Variants in DCHS2 observed in about 807,000 individuals in gnomAD.
The protein encoded by DCHS2 is dachsous cadherin-related 2.
In DCHS2, 142 loss-of-function variants were observed where a neutral mutation model predicts 182.4. The ratio of observed to expected loss-of-function variants is 0.78; its 90% CI spans 0.68 to 0.89. DCHS2 has a LOEUF of 0.89. Ranked by LOEUF, DCHS2 falls within the 40% of genes least tolerant of loss-of-function variation. The probability of loss-of-function intolerance (pLI) is 0.00; values close to 1 mark genes in which losing one functional copy is unlikely to be tolerated. For missense variants in DCHS2, 4,319 were observed against 4,198.6 expected (o/e 1.03, Z -0.79); for synonymous variants, 1,740 against 1,663.3 (o/e 1.05, Z -1.12).
At chr4:154,335,239 A>G (rs1257387298) in intron 3 of DCHS2, 135 bp from the exon 4 acceptor site, 1 of 662,996 alleles carries the variant, frequency 1.5e-6, no homozygotes, top group African/African-American at 1.8e-5. Context: ...ATGTCCAGGC[A>G]TTTGATCAAA....
At chr4:154,300,527 A>G (rs1000551070) in intron 12 of DCHS2, among the ~76,000 whole-genome samples, 1 of 148,172 alleles carries the variant, frequency 6.7e-6, no homozygotes, top group African/African-American at 2.6e-5. Flanking sequence ...AAAAAAAAAA[A>G]AGTTTTTAAG....
chr4:154,322,380 G>T lies in DCHS2; in HGVS notation c.4127C>A (p.Thr1376Asn). The change falls in exon 8 of 20, where the codon ACT becomes AAT. Residue 1376 changes from threonine to asparagine, a missense_variant. By Grantham distance (65) the Thr-to-Asn change is moderately conservative (BLOSUM62 0). Coordinates refer to ENST00000357232, the MANE Select transcript of DCHS2 (RefSeq NM_001358235.2). ...TTGAAGAGGAGGCACTCCCTGGTCA[G>T]TGGCAATGACACTCATTCTGTAGGA... ...RPSYRMSVIA[T>N]DQGVPPLQGQ... The T allele has an allele frequency of 1.2e-6, 2 of 1,613,770 alleles. No homozygotes were observed. Among genetic ancestry groups the T allele is most frequent in the Non-Finnish European group, 1.7e-6 (2 of 1,179,822 alleles).
intron 16 of DCHS2, among the ~76,000 whole-genome samples, chr4:154,246,873 G>A (rs1732096520): frequency 6.6e-6 from 1 of 151,754 alleles, no homozygotes; most frequent in Non-Finnish European, 1.5e-5. Flanking sequence ...TGGAAAGTAG[G>A]AAATAAAATA....
intron 3 of DCHS2, among the ~76,000 whole-genome samples, chr4:154,350,747 T>C (rs1729571167): frequency 6.6e-6 from 1 of 152,240 alleles, no homozygotes; most frequent in African/African-American, 2.4e-5. Flanking sequence ...ACAAAAGGTA[T>C]AATCACATGT....
intron 16 of DCHS2, among the ~76,000 whole-genome samples, chr4:154,254,696 G>T (rs999292588): frequency 6.6e-6 from 1 of 152,120 alleles, no homozygotes; most frequent in Non-Finnish European, 1.5e-5. Flanking sequence ...AATTAACCAC[G>T]CATGGTGGCA....
At chr4:154,293,373 G>T (rs1038796277) in intron 13 of DCHS2, among the ~76,000 whole-genome samples, 2 of 152,050 alleles carry the variant, frequency 1.3e-5, no homozygotes, top group Non-Finnish European at 2.9e-5. Context: ...GTAGAGATGG[G>T]GTTTCTCCAT....
intron 13 of DCHS2, among the ~76,000 whole-genome samples, 180 bp downstream of exon 13, chr4:154,297,671 C>T (rs935461760): frequency 3.3e-5 from 5 of 152,164 alleles, no homozygotes; most frequent in African/African-American, 1.2e-4. Flanking sequence ...CTGTCTTCTG[C>T]CCTGTCATTT....
intron 13 of DCHS2, among the ~76,000 whole-genome samples, chr4:154,270,658 G>C (rs1323730545): frequency 6.6e-6 from 1 of 151,686 alleles, no homozygotes; most frequent in Non-Finnish European, 1.5e-5. Context: ...ACAGAGAAGA[G>C]AGGGGTAAGA....
At chr4:154,353,200 G>A (rs1729698682) in intron 3 of DCHS2, among the ~76,000 whole-genome samples, 2 of 151,930 alleles carry the variant, frequency 1.3e-5, no homozygotes, top group African/African-American at 2.4e-5. Context: ...GGACACTCGG[G>A]CAAAAGAAAC....
intron 1 of DCHS2, among the ~76,000 whole-genome samples, chr4:154,444,743 C>T (rs1054864185): frequency 1.3e-5 from 2 of 152,226 alleles, no homozygotes; most frequent in Non-Finnish European, 2.9e-5. Context: ...TCACTTTCCT[C>T]CACACTCAGG....
intron 1 of DCHS2, among the ~76,000 whole-genome samples, chr4:154,438,355 G>A (rs1733865914): frequency 6.6e-6 from 1 of 152,182 alleles, no homozygotes; most frequent in Non-Finnish European, 1.5e-5. Context: ...ACTAATTTCT[G>A]GCTTTCCATT....
At position 154,233,881 on chromosome 4, in the gene DCHS2, C is replaced by A. The variant is rs1233232458; in HGVS notation, c.*655G>T. ...ATTTATATTACCTATCATTATAAAT[C>A]CTATTTGTTTCTCCCTATTGTCACA... On this transcript the variant is annotated 3_prime_UTR_variant, in exon 20 of 20. Coordinates refer to ENST00000357232, the MANE Select transcript of DCHS2 (RefSeq NM_001358235.2). The A allele has an allele frequency of 6.6e-6, 1 of 152,120 alleles. No individual in the cohort carries two copies. Among genetic ancestry groups the A allele is most frequent in the East Asian group, 1.9e-4 (1 of 5,190 alleles). 9.4% of individuals were successfully genotyped at this position (152,120 alleles called of 1,614,324 possible). A position where few individuals can be genotyped will look rare whatever the true frequency, so the allele number is the denominator to read the frequency against.
At chr4:154,351,723 C>T (rs953963548) in intron 3 of DCHS2, among the ~76,000 whole-genome samples, 2 of 152,060 alleles carry the variant, frequency 1.3e-5, no homozygotes, top group Admixed American at 6.6e-5. Flanking sequence ...ATAAGGAGCA[C>T]GCAACCTAGA....
chr4:154,247,830 G>T (rs74653392), intron 16 of DCHS2, among the ~76,000 whole-genome samples: 1 of 152,022 alleles, frequency 6.6e-6, no homozygotes, highest in African/African-American at 2.4e-5. Flanking sequence ...GACATGCAAA[G>T]GCTCAGATAA....
At chr4:154,429,869 G>C (rs1296057226) in intron 1 of DCHS2, among the ~76,000 whole-genome samples, 2 of 152,102 alleles carry the variant, frequency 1.3e-5, no homozygotes, top group African/African-American at 4.8e-5. Context: ...CTTACTAGCT[G>C]TGTAATCGTA....
intron 1 of DCHS2, among the ~76,000 whole-genome samples, chr4:154,381,039 C>T (rs1214506521): frequency 6.6e-6 from 1 of 152,004 alleles, no homozygotes; most frequent in Non-Finnish European, 1.5e-5. Context: ...TAAATTGAAG[C>T]AAGAGGCACC....
intron 1 of DCHS2, among the ~76,000 whole-genome samples, chr4:154,380,553 T>C (rs78518210): frequency 0.037 from 5,660 of 152,274 alleles, 142 homozygotes; most frequent in Middle Eastern, 0.061. Flanking sequence ...ATTCTTAGCC[T>C]TTAATAGTAC....
chr4:154,377,415 G>A lies in DCHS2; in HGVS notation c.2082C>T (p.Leu694=), dbSNP rs767278198. The A allele has an allele frequency of 1.5e-5, 24 of 1,613,202 alleles. No homozygotes were observed. Among genetic ancestry groups the A allele is most frequent in the Non-Finnish European group, 2.0e-5 (24 of 1,179,546 alleles). The change falls in exon 2 of 20, where the codon CTC becomes CTT. Residue 694 remains leucine (L), a synonymous_variant. Coordinates refer to ENST00000357232, the MANE Select transcript of DCHS2 (RefSeq NM_001358235.2). ...AAAGAGAATATTCAATAAAGCCATAGAGTCCTGAATCTGCATCAGAGGCTG... is the reference window on the plus strand; with the variant it reads ...AAAGAGAATATTCAATAAAGCCATAAAGTCCTGAATCTGCATCAGAGGCTG... ...QVTASDADSG[L]YGFIEYSLYD... is the part of the protein sequence containing the mutation.
At chr4:154,338,695 A>C (rs777821877) in intron 3 of DCHS2, among the ~76,000 whole-genome samples, 8 of 152,216 alleles carry the variant, frequency 5.3e-5, no homozygotes, top group Non-Finnish European at 1.0e-4. Context: ...TCAGGAAAAG[A>C]ATGGACAGTG....
Sources: gnomAD v4.1 joint callset for allele counts (sites outside exome capture counted in the v4.1 genomes callset) on GRCh38, gnomAD v4.1.1 for gene constraint, MANE v1.5 for transcripts, NCBI Gene and HGNC (gene_info 2026-07-23, HGNC 2026-07-21) for gene names.